BRWD1: variants seen among roughly 807,000 people sequenced by gnomAD.
The protein encoded by BRWD1 is bromodomain and WD repeat-containing protein 1.
BRWD1 carries 82 observed loss-of-function variants against 251.2 expected under a neutral mutation model. That is an observed-to-expected ratio of 0.33 (90% CI 0.27 to 0.39). The LOEUF is 0.39. BRWD1 is among the 10% of genes least tolerant of loss of function. BRWD1 has a pLI of 1.00. For missense variants in BRWD1, 2,233 were observed against 2,711.6 expected (o/e 0.82, Z 3.92); for synonymous variants, 918 against 902.8 (o/e 1.02, Z -0.30).
chr21:39,312,996 G>A, intron 3 of BRWD1, 76 bp downstream of exon 3: 2 of 1,127,626 alleles, frequency 1.8e-6, no homozygotes, highest in Non-Finnish European at 2.2e-6. Flanking sequence ...GGCGGGCGGG[G>A]GGCGCGGGCG....
At position 39,210,152 on chromosome 21, in the gene BRWD1, G is replaced by A. The variant is rs374920110; in HGVS notation, c.4045-5C>T. The A allele has an allele frequency of 4.4e-6, 7 of 1,589,002 alleles. No individual in the cohort carries two copies. The highest frequency in any genetic ancestry group is 1.4e-5 in the African/African-American group (1 of 73,806). On this transcript the variant is annotated splice_polypyrimidine_tract_variant and splice_region_variant and intron_variant, in intron 35 of 40. Coordinates refer to ENST00000342449, the MANE Select transcript of BRWD1 (RefSeq NM_033656.4). The stretch of plus-strand genomic sequence containing the variant: ...ATCTATAATATCTCTGTAGTCCTAG[G>A]TTTTAAACACAATATTTAATTCATA...
chr21:39,238,808 A>G (rs938231301), intron 21 of BRWD1, among the ~76,000 whole-genome samples: 3 of 152,242 alleles, frequency 2.0e-5, no homozygotes, highest in Non-Finnish European at 2.9e-5. Flanking sequence ...TACCACCATT[A>G]GCAAAGAAAG....
intron 15 of BRWD1, 92 bp from the exon 16 acceptor site, chr21:39,265,111 T>C: frequency 2.3e-6 from 3 of 1,283,140 alleles, no homozygotes; most frequent in Non-Finnish European, 3.2e-6. Context: ...TGTGACAATA[T>C]ATCCCTTCTG....
At chr21:39,205,432 A>T (rs941381674) in intron 37 of BRWD1, among the ~76,000 whole-genome samples, 2 of 152,172 alleles carry the variant, frequency 1.3e-5, no homozygotes, top group Non-Finnish European at 2.9e-5. Context: ...GGTCATGATC[A>T]TATCACTAGA....
In BRWD1 at chr21:39,305,563, T is replaced by C. The variant is rs149874552; in HGVS notation, c.199-6981A>G. Reference sequence around the variant, plus strand: ...GACCATTATGGTGAAATCCCATCTCTACTAAAAATACAAAAATTAGGCCTG... The same window carrying C: ...GACCATTATGGTGAAATCCCATCTCCACTAAAAATACAAAAATTAGGCCTG... On this transcript the variant is annotated intron_variant, in intron 4 of 40. Coordinates refer to ENST00000342449, the MANE Select transcript of BRWD1 (RefSeq NM_033656.4). Among the ~76,000 whole-genome samples, 102 of 152,214 alleles carry C rather than the reference T, an allele frequency of 6.7e-4. No homozygotes were observed. In the East Asian group the frequency reaches 0.019, roughly 28 times the overall value.
chr21:39,248,641 C>CAAAAAAAAAAAA (rs375430016), intron 20 of BRWD1, among the ~76,000 whole-genome samples: 3 of 83,292 alleles, frequency 3.6e-5, no homozygotes, highest in East Asian at 4.0e-4. Context: ...CCCTATCTCC[C>CAAAAAAAAAAAA]AAAAAAAAAA....
At chr21:39,255,614 A>G in intron 19 of BRWD1, 31 bp downstream of exon 19, 1 of 1,554,314 alleles carries the variant, frequency 6.4e-7, no homozygotes, top group Non-Finnish European at 8.9e-7. Flanking sequence ...TCACAGATAG[A>G]AACATTATAA....
At position 39,202,471 on chromosome 21, in the gene BRWD1, G is replaced by C; in HGVS notation, c.4439C>G (p.Thr1480Ser). ...PELVGSPTQS[T>S]SSRTAYLGTH... Reference sequence around the variant, plus strand: ...TCCAAGATAAGCTGTCCTACTTGAGGTAGACTGGGTAGGAGAACCTACCAA... The same window carrying C: ...TCCAAGATAAGCTGTCCTACTTGAGCTAGACTGGGTAGGAGAACCTACCAA... Residue 1480 changes from threonine to serine, a missense_variant, in exon 38 of 41, where the codon ACC becomes AGC. By Grantham distance (58) the Thr-to-Ser change is moderately conservative. Transcript: ENST00000342449. 1 of 1,614,064 alleles carries C rather than the reference G, an allele frequency of 6.2e-7. No individual in the cohort carries two copies. Among genetic ancestry groups the C allele is most frequent in the Non-Finnish European group, 8.5e-7 (1 of 1,179,954 alleles).
intron 36 of BRWD1, among the ~76,000 whole-genome samples, chr21:39,209,077 C>T (rs1215789129): frequency 2.6e-5 from 4 of 151,918 alleles, no homozygotes; most frequent in Non-Finnish European, 5.9e-5. Flanking sequence ...TGGTTAAAAC[C>T]AGTATGGCCA....
chr21:39,200,092 A>G (rs539104788), intron 39 of BRWD1, 127 bp downstream of exon 39: 2 of 940,034 alleles, frequency 2.1e-6, no homozygotes, highest in Admixed American at 3.2e-5. Context: ...TTTCCTTCCT[A>G]AATCTAAGGA....
intron 26 of BRWD1, 54 bp downstream of exon 26, chr21:39,229,258 A>G: frequency 6.8e-7 from 1 of 1,468,706 alleles, no homozygotes; most frequent in Non-Finnish European, 9.4e-7. Context: ...TCATTCAATC[A>G]GCAAAATGGC....
intron 10 of BRWD1, chr21:39,278,475 T>C: frequency 2.5e-6 from 1 of 394,546 alleles, no homozygotes; most frequent in Non-Finnish European, 4.5e-6. Context: ...CACATAGTAC[T>C]GGCATAGGAA....
At position 39,192,700 on chromosome 21, in the gene BRWD1, A is replaced by G; in HGVS notation, c.*3559T>C. The G allele has an allele frequency of 1.0e-6, 1 of 985,168 alleles. No individual in the cohort carries two copies. The highest frequency in any genetic ancestry group is 1.2e-6 in the Non-Finnish European group (1 of 829,752). The allele number at this position is 985,168 out of a possible 1,614,324, so 61.0% of individuals were successfully genotyped here. ...TTTAAAAGGGCAAAGCAAAAAGACC[A>G]TTTTCTAGCCATTTAAAAGTTACTC... is the stretch of plus-strand genomic sequence containing the variant. On this transcript the variant is annotated 3_prime_UTR_variant, in exon 41 of 41. Coordinates refer to ENST00000342449, the MANE Select transcript of BRWD1 (RefSeq NM_033656.4).
At chr21:39,226,915 G>C (rs576964118) in intron 27 of BRWD1, among the ~76,000 whole-genome samples, 3 of 152,240 alleles carry the variant, frequency 2.0e-5, no homozygotes, top group African/African-American at 7.2e-5. Flanking sequence ...CTTGAGCCCA[G>C]GAATTCAAAA....
At chr21:39,229,504 C>G in intron 25 of BRWD1, 68 bp from the exon 26 acceptor site, 1 of 1,414,452 alleles carries the variant, frequency 7.1e-7, no homozygotes, top group Non-Finnish European at 9.8e-7. Context: ...TCTCCACATA[C>G]TGTTATATTA....
intron 4 of BRWD1, among the ~76,000 whole-genome samples, chr21:39,307,232 C>A (rs1568977934): frequency 6.6e-6 from 1 of 152,218 alleles, no homozygotes; most frequent in Non-Finnish European, 1.5e-5. Flanking sequence ...TTTCACTACA[C>A]TTAGAAGCGT....
chr21:39,310,582 G>A (rs1189042927), intron 4 of BRWD1, among the ~76,000 whole-genome samples: 1 of 151,208 alleles, frequency 6.6e-6, no homozygotes, highest in Non-Finnish European at 1.5e-5. Flanking sequence ...AGCCGAGGCT[G>A]CTCCTCAAAA....
At chr21:39,227,852 C>T (rs1191912057) in intron 27 of BRWD1, among the ~76,000 whole-genome samples, 2 of 152,064 alleles carry the variant, frequency 1.3e-5, no homozygotes. Flanking sequence ...GCCAATGTTA[C>T]ATCAAAGATA....
intron 17 of BRWD1, among the ~76,000 whole-genome samples, chr21:39,262,109 A>T (rs977267065): frequency 3.3e-5 from 5 of 152,250 alleles, no homozygotes; most frequent in African/African-American, 1.2e-4. Flanking sequence ...TATTTCATCC[A>T]GAAGACAAGC....
Sources: allele counts gnomAD v4.1 joint callset (sites outside exome capture counted in the v4.1 genomes callset), GRCh38; gene constraint gnomAD v4.1.1; transcripts MANE v1.5; gene names NCBI Gene and HGNC (gene_info 2026-07-23, HGNC 2026-07-21).